The following SH3GL3 variants were observed in gnomAD, a reference collection of about 807,000 sequenced individuals.
SH3GL3 encodes the protein endophilin-A3.
A neutral mutation model predicts 47.7 loss-of-function variants in SH3GL3; 33 were observed. That is an observed-to-expected ratio of 0.69 (90% CI 0.52 to 0.92). SH3GL3 has a LOEUF of 0.92. Ranked by LOEUF, SH3GL3 falls within the 40% of genes least tolerant of loss-of-function variation. The probability of loss-of-function intolerance (pLI) is 0.00; values close to 1 mark genes in which losing one functional copy is unlikely to be tolerated. For missense variants in SH3GL3, 363 were observed against 417.8 expected (o/e 0.87, Z 1.14); for synonymous variants, 155 against 148.8 (o/e 1.04, Z -0.30).
At chr15:83,624,199 C>T in the SH3GL3 span, among the ~76,000 whole-genome samples, 2 of 152,192 alleles carry the variant, frequency 1.3e-5, no homozygotes, top group East Asian at 3.8e-4. Flanking sequence ...CTTCAATTCT[C>T]CTCTCTTGTT....
rs1258317062 is a variant in SH3GL3, at chr15:83,578,665, T to A, written c.624+1924T>A. Among the ~76,000 whole-genome samples the A allele has an allele frequency of 5.3e-5, 8 of 152,292 alleles. No individual in the cohort carries two copies. The East Asian group carries it at 1.4e-3, about 26-fold the overall frequency. ...CTGTGTTTCTTCTTTTAATTTTTTT[T>A]TTTTTTTACATTTTTTTTGGGAAAT... On this transcript the variant is annotated intron_variant, in intron 6 of 8. Transcript: ENST00000427482.
intron 8 of SH3GL3, among the ~76,000 whole-genome samples, chr15:83,591,846 T>C (rs1192209937): frequency 6.6e-6 from 1 of 152,160 alleles, no homozygotes; most frequent in Non-Finnish European, 1.5e-5. Context: ...ATACCGTGCC[T>C]GGCTAATTTT....
intron 1 of SH3GL3, among the ~76,000 whole-genome samples, chr15:83,509,291 G>A (rs1401187992): frequency 6.6e-6 from 1 of 152,248 alleles, no homozygotes; most frequent in African/African-American, 2.4e-5. Context: ...AATCTGGGGA[G>A]CGCGTTCTTG....
At chr15:83,518,210 T>C (rs533968356) in intron 1 of SH3GL3, among the ~76,000 whole-genome samples, 10 of 152,368 alleles carry the variant, frequency 6.6e-5, no homozygotes, top group Non-Finnish European at 1.3e-4. Flanking sequence ...CATGTGCATG[T>C]GTCCTTTTGG....
chr15:83,561,364 G>C (rs979730051), intron 2 of SH3GL3, among the ~76,000 whole-genome samples: 1 of 152,080 alleles, frequency 6.6e-6, no homozygotes, highest in African/African-American at 2.4e-5. Context: ...TTAGTTTAAA[G>C]AGGAAATGGA....
intron 8 of SH3GL3, among the ~76,000 whole-genome samples, chr15:83,610,980 A>AATATAT (rs10665431): frequency 0.013 from 1,872 of 147,000 alleles, 30 homozygotes; most frequent in South Asian, 0.062. Context: ...TCAGCCAAAA[A>AATATAT]ATATATATAT....
At chr15:83,554,536 C>G (rs941360467) in intron 1 of SH3GL3, among the ~76,000 whole-genome samples, 3 of 151,986 alleles carry the variant, frequency 2.0e-5, no homozygotes, top group African/African-American at 7.3e-5. Flanking sequence ...ATTTTTATTG[C>G]GCCACCACAC....
In SH3GL3 at chr15:83,551,392, C is replaced by T. The variant is rs1427181411; in HGVS notation, c.46-7861C>T. On this transcript the variant is annotated intron_variant, in intron 1 of 8. Transcript: ENST00000427482. ...CTGTCTAGTGAGCCAAGGTCAGGTG[C>T]GATATTTGTGATGGGGAAGCTGAAT... Among the ~76,000 whole-genome samples, 13 of 152,154 alleles carry T rather than the reference C, an allele frequency of 8.5e-5. No individual in the cohort carries two copies. The South Asian group carries it at 1.2e-3, about 15-fold the overall frequency.
At chr15:83,588,945 G>A (rs1192519574) in intron 8 of SH3GL3, among the ~76,000 whole-genome samples, 174 bp downstream of exon 8, 1 of 152,144 alleles carries the variant, frequency 6.6e-6, no homozygotes, top group African/African-American at 2.4e-5. Flanking sequence ...GTTCCCTGGG[G>A]AAGAATTCTA....
chr15:83,504,244 T>C (rs536258360), intron 1 of SH3GL3, among the ~76,000 whole-genome samples: 1 of 152,332 alleles, frequency 6.6e-6, no homozygotes, highest in South Asian at 2.1e-4. Flanking sequence ...CAACCACCAG[T>C]TGAAGCAATG....
intron 1 of SH3GL3, among the ~76,000 whole-genome samples, chr15:83,468,982 C>G (rs562521397): frequency 4.5e-4 from 68 of 152,080 alleles, no homozygotes; most frequent in Non-Finnish European, 7.7e-4. Flanking sequence ...TGGGAAATTT[C>G]AAATTACACG....
intron 1 of SH3GL3, among the ~76,000 whole-genome samples, chr15:83,486,908 C>T (rs1748987470): frequency 6.6e-6 from 1 of 152,070 alleles, no homozygotes; most frequent in South Asian, 2.1e-4. Flanking sequence ...AGAGAGAGAG[C>T]ACTCTGGCCT....
intron 1 of SH3GL3, among the ~76,000 whole-genome samples, chr15:83,520,212 G>C (rs539225302): frequency 6.6e-6 from 1 of 152,302 alleles, no homozygotes; most frequent in South Asian, 2.1e-4. Context: ...CCTTTGCCCA[G>C]AGGGAGAAAT....
intron 8 of SH3GL3, among the ~76,000 whole-genome samples, chr15:83,596,506 A>G (rs1465661330): frequency 2.0e-5 from 3 of 152,132 alleles, no homozygotes; most frequent in Non-Finnish European, 4.4e-5. Context: ...GGATTTGTCT[A>G]TTTCTCCTGG....
the SH3GL3 span, among the ~76,000 whole-genome samples, chr15:83,626,459 G>A: frequency 6.6e-6 from 1 of 152,138 alleles, no homozygotes; most frequent in Non-Finnish European, 1.5e-5. Context: ...TGACTGGGTA[G>A]GTAAGTCTGC....
chr15:83,573,912 C>T (rs772449636), intron 5 of SH3GL3, among the ~76,000 whole-genome samples: 4 of 152,194 alleles, frequency 2.6e-5, no homozygotes, highest in Non-Finnish European at 5.9e-5. Context: ...AGATACCATG[C>T]ACTTTGACAG....
intron 8 of SH3GL3, among the ~76,000 whole-genome samples, chr15:83,593,572 C>T (rs763376022): frequency 6.6e-6 from 1 of 152,104 alleles, no homozygotes; most frequent in African/African-American, 2.4e-5. Flanking sequence ...GCTAAATTTA[C>T]ATCTTAGGTC....
chr15:83,559,224 A>T, intron 1 of SH3GL3, 29 bp from the exon 2 acceptor site: 1 of 1,231,488 alleles, frequency 8.1e-7, no homozygotes, highest in Non-Finnish European at 1.2e-6. Flanking sequence ...ATCATTGTAC[A>T]ATGCAATTAT....
rs2041779047 is a variant in SH3GL3 at position 83,489,727 on chromosome 15, T to C, written c.45+42149T>C. Among the ~76,000 whole-genome samples the C allele has an allele frequency of 2.0e-5, 3 of 152,244 alleles. No homozygotes were observed. The South Asian group carries it at 6.2e-4, about 32-fold the overall frequency. On this transcript the variant is annotated intron_variant, in intron 1 of 8. Coordinates refer to ENST00000427482, the MANE Select transcript of SH3GL3 (RefSeq NM_003027.5). ...GGAAGAGGCTGAACCAAAATGCCCT[T>C]TCCAGGTGAAAGCAAGTGGGGAAGT... is the stretch of plus-strand genomic sequence containing the variant.
Sources: gnomAD v4.1 joint callset for allele counts (sites outside exome capture counted in the v4.1 genomes callset) on GRCh38, gnomAD v4.1.1 for gene constraint, MANE v1.5 for transcripts, NCBI Gene and HGNC (gene_info 2026-07-23, HGNC 2026-07-21) for gene names.